The following AANAT variants were observed in gnomAD, a reference collection of about 807,000 sequenced individuals.
AANAT encodes serotonin N-acetyltransferase.
In AANAT, 11 loss-of-function variants were observed where a neutral mutation model predicts 15.6. The observed-to-expected ratio is 0.71, with a 90% CI of 0.44 to 1.17. The LOEUF (loss-of-function observed/expected upper bound fraction) is 1.17, where lower values mean the gene tolerates loss of function less well. Ranked by LOEUF, AANAT falls within the 50% of genes most tolerant of loss-of-function variation. AANAT has a pLI of 0.00. For missense variants in AANAT, 286 were observed against 296.3 expected (o/e 0.97, Z 0.26); for synonymous variants, 139 against 131.5 (o/e 1.06, Z -0.39).
intron 2 of AANAT, among the ~76,000 whole-genome samples, chr17:76,462,121 G>A (rs1053030297): frequency 3.3e-5 from 5 of 152,050 alleles, no homozygotes; most frequent in South Asian, 2.1e-4. Flanking sequence ...GGGCTAAATC[G>A]CAACCTCACC....
At chr17:76,467,446 A>T, upstream of AANAT, 1 of 712,260 alleles carries the variant, frequency 1.4e-6, no homozygotes, top group Non-Finnish European at 1.7e-6. Context: ...AGCCTCTGGT[A>T]ATCCCTTCTG....
In AANAT at chr17:76,469,653, G is replaced by A; in HGVS notation, c.319-12G>A. On this transcript the variant is annotated splice_polypyrimidine_tract_variant and intron_variant, in intron 3 of 3. Coordinates refer to ENST00000392492, the MANE Select transcript of AANAT (RefSeq NM_001088.3). This position sits in a 1 kb window ranked among gnomAD's most constrained non-coding sequence, Gnocchi z 5.2. Reference sequence around the variant, plus strand: ...GAAGTGACCTGGGATCTCATCCCTTGCTCGCTCCCAGGAGTCACTGACGCT... The same window carrying A: ...GAAGTGACCTGGGATCTCATCCCTTACTCGCTCCCAGGAGTCACTGACGCT... 1 of 1,463,836 alleles carries A rather than the reference G, an allele frequency of 6.8e-7. No individual in the cohort carries two copies. Among genetic ancestry groups the A allele is most frequent in the Non-Finnish European group, 9.0e-7 (1 of 1,109,812 alleles). The allele number at this position is 1,463,836 out of a possible 1,614,324, so 90.7% of individuals were successfully genotyped here.
chr17:76,468,972 G>A, intron 2 of AANAT, 63 bp downstream of exon 2: 1 of 1,555,252 alleles, frequency 6.4e-7, no homozygotes, highest in South Asian at 1.1e-5. Flanking sequence ...CTGTGGGGAG[G>A]AGACCCTTAG....
chr17:76,459,985 T>C (rs1398185439), intron 2 of AANAT, among the ~76,000 whole-genome samples: 1 of 152,156 alleles, frequency 6.6e-6, no homozygotes, highest in Non-Finnish European at 1.5e-5. Context: ...CTCTTGGCTT[T>C]ATATCTTTCT....
At chr17:76,461,095 G>C (rs930940294) in intron 2 of AANAT, among the ~76,000 whole-genome samples, 4 of 152,022 alleles carry the variant, frequency 2.6e-5, no homozygotes, top group African/African-American at 9.7e-5. Flanking sequence ...AACCCGGGAG[G>C]CGGGGGTTTC....
At chr17:76,456,792 A>G (rs779834156) in intron 1 of AANAT, among the ~76,000 whole-genome samples, 11 of 152,216 alleles carry the variant, frequency 7.2e-5, no homozygotes, top group Non-Finnish European at 8.8e-5. Flanking sequence ...ACTTCCAAGC[A>G]CATTATCTTG....
chr17:76,467,549 G>T, upstream of AANAT: 2 of 985,526 alleles, frequency 2.0e-6, no homozygotes, highest in Non-Finnish European at 2.4e-6. Flanking sequence ...GGGATAGCTC[G>T]AGAGGTGGGG....
At chr17:76,463,309 C>CTTTTTTTTTT (rs60885549), upstream of AANAT, among the ~76,000 whole-genome samples, 1,923 of 111,818 alleles carry the variant, frequency 0.017, 80 homozygotes, top group African/African-American at 0.032. Flanking sequence ...GGAAGGATTC[C>CTTTTTTTTTT]TTTTTTTTTT....
At chr17:76,460,153 TTTTTTTTTTTTTTGA>T (rs1182104827) in intron 2 of AANAT, among the ~76,000 whole-genome samples, 3 of 84,218 alleles carry the variant, frequency 3.6e-5, no homozygotes, top group Admixed American at 1.4e-4. Context: ...TTTTTTTTTT[TTTTTTTTTTTTTTGA>T]GACAGAGTCT....
At chr17:76,453,961 A>G (rs1174986958) in intron 1 of AANAT, among the ~76,000 whole-genome samples, 5 of 152,232 alleles carry the variant, frequency 3.3e-5, no homozygotes, top group Admixed American at 1.3e-4. Flanking sequence ...AGGCACACTG[A>G]TTAACTTATT....
At chr17:76,458,421 A>G (rs966720188) in intron 1 of AANAT, among the ~76,000 whole-genome samples, 1 of 152,116 alleles carries the variant, frequency 6.6e-6, no homozygotes, top group African/African-American at 2.4e-5. Flanking sequence ...TATTTTTGTC[A>G]TTGTTGAGGT....
upstream of AANAT, among the ~76,000 whole-genome samples, chr17:76,466,589 C>T (rs1325009584): frequency 2.0e-5 from 3 of 152,058 alleles, no homozygotes; most frequent in East Asian, 5.8e-4. Context: ...ATGAGTGGGT[C>T]CCACCAGTGC....
chr17:76,469,955 G>C lies in AANAT; in HGVS notation c.609G>C (p.Arg203Ser). ...TGCGGGGCCACCCCTTCCTGCGCAG[G>C]AACAGCGGCTGCTGAACTGGGCTGC... Reference protein sequence around the residue: ...CSLRGHPFLRRNSGC With the variant: ...CSLRGHPFLRSNSGC Residue 203 changes from arginine to serine, a missense_variant, in exon 4 of 4, where the codon AGG becomes AGC. Arg to Ser is a moderately radical substitution (Grantham distance 110). Transcript: ENST00000392492. This position sits in a 1 kb window ranked among gnomAD's most constrained non-coding sequence, Gnocchi z 5.2. 4.7e-6 allele frequency: 7 copies of C among 1,499,660 alleles called. No individual in the cohort carries two copies. Among genetic ancestry groups the C allele is most frequent in the Non-Finnish European group, 6.3e-6 (7 of 1,119,312 alleles). 92.9% of individuals were successfully genotyped at this position (1,499,660 alleles called of 1,614,324 possible). A position where few individuals can be genotyped will look rare whatever the true frequency, so the allele number is the denominator to read the frequency against.
intron 2 of AANAT, chr17:76,462,269 TG>T (rs1367516733): frequency 6.6e-6 from 1 of 152,172 alleles, no homozygotes; most frequent in African/African-American, 2.4e-5. Flanking sequence ...AGCATAAAGT[TG>T]GATAAGGAAC....
At position 76,469,956 on chromosome 17, in the gene AANAT, A is replaced by C. The variant is rs1414993557; in HGVS notation, c.610A>C (p.Asn204His). 2 of 1,498,034 alleles carry C rather than the reference A, an allele frequency of 1.3e-6. No individual in the cohort carries two copies. The highest frequency in any genetic ancestry group is 2.8e-5 in the African/African-American group (2 of 71,754). The allele number at this position is 1,498,034 out of a possible 1,614,324, so 92.8% of individuals were successfully genotyped here. A position where few individuals can be genotyped will look rare whatever the true frequency, so the allele number is the denominator to read the frequency against. ...GCGGGGCCACCCCTTCCTGCGCAGG[A>C]ACAGCGGCTGCTGAACTGGGCTGCC... ...SLRGHPFLRR[N>H]SGC is the part of the protein sequence containing the mutation. The change falls in exon 4 of 4, where the codon AAC becomes CAC. Residue 204 changes from asparagine (N) to histidine (H), a missense_variant. Physicochemically the swap from Asn to His is moderately conservative, Grantham distance 68. Coordinates refer to ENST00000392492, the MANE Select transcript of AANAT (RefSeq NM_001088.3). This position sits in a 1 kb window ranked among gnomAD's most constrained non-coding sequence, Gnocchi z 5.2.
At chr17:76,462,545 G>C (rs1461126264) in intron 3 of AANAT, 1 of 152,316 alleles carries the variant, frequency 6.6e-6, no homozygotes, top group Non-Finnish European at 1.5e-5. Context: ...CTCGGTTACA[G>C]CTGCACCATC....
chr17:76,460,129 AATTTTTTTTTTTTTT>A (rs2073373729), intron 2 of AANAT, among the ~76,000 whole-genome samples: 3 of 82,926 alleles, frequency 3.6e-5, no homozygotes, highest in Non-Finnish European at 7.0e-5. Context: ...TACTTCAGGA[AATTTTTTTTTTTTTT>A]TTTTTTTTTT....
Position 76,469,039 on chromosome 17 carries a change from A to G in AANAT, c.163+130A>G. On this transcript the variant is annotated intron_variant, in intron 2 of 3. Coordinates refer to ENST00000392492, the MANE Select transcript of AANAT (RefSeq NM_001088.3). The surrounding 1 kb of genome is among the most constrained non-coding windows in gnomAD (Gnocchi z 5.2). ...ATCAGACCATGTGTGCGCTCAAGAA[A>G]GTGGGGGAAACAGCAGCCCTAACCC... 6.7e-7 allele frequency: 1 copy of G among 1,496,224 alleles called. No individual in the cohort carries two copies. The highest frequency in any genetic ancestry group is 9.1e-7 in the Non-Finnish European group (1 of 1,097,924). The allele number at this position is 1,496,224 out of a possible 1,614,324, so 92.7% of individuals were successfully genotyped here.
upstream of AANAT, chr17:76,466,135 G>A (rs368031088): frequency 1.4e-5 from 22 of 1,523,266 alleles, no homozygotes; most frequent in African/African-American, 1.8e-4. Context: ...CTCAGGCATC[G>A]CCAAGTGACT....
Sources: allele counts gnomAD v4.1 joint callset (sites outside exome capture counted in the v4.1 genomes callset), GRCh38; gene constraint gnomAD v4.1.1; non-coding constraint Gnocchi (gnomAD v3.1); transcripts MANE v1.5; gene names NCBI Gene and HGNC (gene_info 2026-07-23, HGNC 2026-07-21).